PCNX1: variants seen among roughly 807,000 people sequenced by gnomAD.
PCNX1 encodes the protein pecanex 1.
In PCNX1, 78 loss-of-function variants were observed where a neutral mutation model predicts 242.2. That is an observed-to-expected ratio of 0.32 (90% confidence interval 0.27 to 0.39). The LOEUF (loss-of-function observed/expected upper bound fraction) is 0.39, where lower values mean the gene tolerates loss of function less well. PCNX1 is among the 10% of genes least tolerant of loss of function. The pLI is 1.00. For missense variants in PCNX1, 2,581 were observed against 2,856.5 expected, an observed-to-expected ratio of 0.90 and a Z score of 2.20; for synonymous variants, 1,024 against 1,032.9, an observed-to-expected ratio of 0.99 and a Z score of 0.17.
At chr14:70,941,844 C>T (rs1276281256) in intron 1 of PCNX1, among the ~76,000 whole-genome samples, 1 of 152,176 alleles carries the variant, frequency 6.6e-6, no homozygotes, top group Non-Finnish European at 1.5e-5. Context: ...ACGCCCCTCC[C>T]CCAGCCTCAC....
intron 15 of PCNX1, among the ~76,000 whole-genome samples, chr14:71,028,467 T>G (rs1382759961): frequency 6.6e-6 from 1 of 152,004 alleles, no homozygotes; most frequent in African/African-American, 2.4e-5. Context: ...AAATGTTTAT[T>G]GCTTCCAAGA....
intron 2 of PCNX1, among the ~76,000 whole-genome samples, chr14:70,957,279 A>G (rs1479888705): frequency 6.6e-6 from 1 of 152,020 alleles, no homozygotes; most frequent in African/African-American, 2.4e-5. Flanking sequence ...TGAACCACAC[A>G]CCCAGCCTGT....
In PCNX1 at chr14:71,047,981, C is replaced by G; in HGVS notation, c.4335C>G (p.Asn1445Lys). 6.2e-7 allele frequency: 1 copy of G among 1,606,332 alleles called. No homozygotes were observed. Among genetic ancestry groups the G allele is most frequent in the Non-Finnish European group, 8.5e-7 (1 of 1,174,710 alleles). ...TCTTCTTTATGTCCATACTCTTCAA[C>G]AAGGTAATTTATCACTGAAAGGAAT... ...LDLFFMSILF[N>K]KLWELLYKLQ... The change falls in exon 22 of 36, where the codon AAC becomes AAG. Residue 1445 changes from asparagine (N) to lysine (K), a missense_variant. By Grantham distance (94) the Asn-to-Lys change is moderately conservative. Around this residue, in one of 9 missense-constraint regions of PCNX1, gnomAD observed 432 missense variants for 443.1 expected, o/e 0.97. Coordinates refer to ENST00000304743, the MANE Select transcript of PCNX1 (RefSeq NM_014982.3).
chr14:71,065,113 T>C (rs1322551396), intron 26 of PCNX1, among the ~76,000 whole-genome samples: 1 of 152,240 alleles, frequency 6.6e-6, no homozygotes, highest in Non-Finnish European at 1.5e-5. Context: ...GAATGACTTA[T>C]AATCCTTTGG....
In PCNX1 at chr14:71,022,947, A is replaced by AAGAT. The variant is rs140703488; in HGVS notation, c.3151-247_3151-244dup. On this transcript the variant is annotated intron_variant, in intron 12 of 35. Coordinates refer to ENST00000304743, the MANE Select transcript of PCNX1 (RefSeq NM_014982.3). ...TATCATATGCTATTGCAGAAACTTT[A>AAGAT]AGATAGATACAAATAAATACATAAT... is the stretch of plus-strand genomic sequence containing the variant. 6.9e-3 allele frequency among the ~76,000 whole-genome samples: 1,048 copies of AAGAT among 152,224 alleles called. 10 individuals are homozygous for AAGAT. Among genetic ancestry groups the AAGAT allele is most frequent in the African/African-American group, 0.024 (982 of 41,538 alleles).
intron 30 of PCNX1, among the ~76,000 whole-genome samples, chr14:71,091,970 G>C (rs1259680155): frequency 6.6e-6 from 1 of 152,190 alleles, no homozygotes; most frequent in Non-Finnish European, 1.5e-5. Flanking sequence ...TGCAGTTCTT[G>C]TGTATTTCTC....
chr14:70,975,141 G>A (rs12892577), intron 5 of PCNX1, among the ~76,000 whole-genome samples: 10,531 of 152,066 alleles, frequency 0.069, 481 homozygotes, highest in East Asian at 0.27. Context: ...GCTCAGAGTC[G>A]ATAAGTTTTC....
At chr14:70,966,291 A>G (rs1437293714) in intron 3 of PCNX1, among the ~76,000 whole-genome samples, 2 of 152,196 alleles carry the variant, frequency 1.3e-5, no homozygotes, top group African/African-American at 4.8e-5. Flanking sequence ...GACTTAAAGA[A>G]ATAGTTGTTT....
chr14:70,922,532 A>G (rs2056417432), intron 1 of PCNX1, among the ~76,000 whole-genome samples: 1 of 152,068 alleles, frequency 6.6e-6, no homozygotes, highest in Admixed American at 6.5e-5. Context: ...TCTATCATCC[A>G]CGCTACCAGT....
intron 2 of PCNX1, among the ~76,000 whole-genome samples, chr14:70,949,066 A>G (rs2057611169): frequency 6.7e-6 from 1 of 148,816 alleles, no homozygotes; most frequent in African/African-American, 2.4e-5. Context: ...ATATGTATGT[A>G]TAGACGTGTA....
At chr14:70,958,923 T>TTTTA (rs386381712) in intron 2 of PCNX1, among the ~76,000 whole-genome samples, 1 of 144,940 alleles carries the variant, frequency 6.9e-6, no homozygotes, top group South Asian at 2.2e-4. Context: ...TTTTTTTTTT[T>TTTTA]TACATAATCA....
Position 70,907,696 on chromosome 14 carries a change from G to A in PCNX1, c.-155G>A. The A allele has an allele frequency of 1.1e-6, 1 of 917,986 alleles. No homozygotes were observed. Among genetic ancestry groups the A allele is most frequent in the African/African-American group, 1.7e-5 (1 of 57,152 alleles). The allele number at this position is 917,986 out of a possible 1,614,324, so 56.9% of individuals were successfully genotyped here. ...TTTGCTGCCTCCTCCTCCTCCTGCAGCAGCACCAGCGACCGCCGAAGCGCC... is the reference window on the plus strand; with the variant it reads ...TTTGCTGCCTCCTCCTCCTCCTGCAACAGCACCAGCGACCGCCGAAGCGCC... On this transcript the variant is annotated 5_prime_UTR_variant, in exon 1 of 36. Transcript: ENST00000304743.
chr14:70,998,769 A>AG (rs1566678973), intron 8 of PCNX1, among the ~76,000 whole-genome samples: 1 of 150,218 alleles, frequency 6.7e-6, no homozygotes, highest in East Asian at 1.9e-4. Flanking sequence ...AAAAAAAAAA[A>AG]AAAGAAAAAC....
chr14:71,056,298 T>C (rs568474682), intron 25 of PCNX1, among the ~76,000 whole-genome samples: 4 of 152,356 alleles, frequency 2.6e-5, no homozygotes, highest in Non-Finnish European at 4.4e-5. Flanking sequence ...TATTTGATAC[T>C]AATGACCATC....
chr14:70,958,056 T>C (rs1024496343), intron 2 of PCNX1, among the ~76,000 whole-genome samples: 2 of 152,232 alleles, frequency 1.3e-5, no homozygotes, highest in Non-Finnish European at 2.9e-5. Context: ...CTTAAAGTTT[T>C]TCCAATTTAG....
Position 71,037,197 on chromosome 14 carries a change from A to G in PCNX1, c.3867+1040A>G, listed in dbSNP as rs564543128. Among the ~76,000 whole-genome samples, 20 of 149,222 alleles carry G rather than the reference A, an allele frequency of 1.3e-4. No individual in the cohort carries two copies. The South Asian group carries it at 2.2e-3, about 16-fold the overall frequency. ...CTTAAGGAGATTTTGGGCTGAGACA[A>G]TGGGGTTTTCTAGATATACAATCAT... On this transcript the variant is annotated intron_variant, in intron 19 of 35. Coordinates refer to ENST00000304743, the MANE Select transcript of PCNX1 (RefSeq NM_014982.3).
At chr14:70,910,916 G>C (rs1453950863) in intron 1 of PCNX1, among the ~76,000 whole-genome samples, 2 of 152,192 alleles carry the variant, frequency 1.3e-5, no homozygotes, top group Admixed American at 6.5e-5. Flanking sequence ...TGCTAGGAAA[G>C]GGTAAGTAAA....
chr14:71,042,166 CAT>C (rs1277039360), intron 19 of PCNX1, among the ~76,000 whole-genome samples: 10 of 152,074 alleles, frequency 6.6e-5, no homozygotes, highest in Admixed American at 1.3e-4. Context: ...TATTGGATGA[CAT>C]AAATGTCTGC....
At chr14:71,007,527 T>C (rs557555212) in intron 8 of PCNX1, among the ~76,000 whole-genome samples, 27 of 152,190 alleles carry the variant, frequency 1.8e-4, no homozygotes, top group Non-Finnish European at 3.8e-4. Context: ...AATACATTTA[T>C]GCATTCTGTT....
Sources: allele counts gnomAD v4.1 joint callset (sites outside exome capture counted in the v4.1 genomes callset), GRCh38; gene constraint gnomAD v4.1.1; regional missense constraint gnomAD v4.1.1; transcripts MANE v1.5; gene names NCBI Gene and HGNC (gene_info 2026-07-23, HGNC 2026-07-21).